The following GRM8 variants were observed in gnomAD, a reference collection of about 807,000 sequenced individuals.
GRM8 encodes metabotropic glutamate receptor 8.
Under a neutral mutation model 87.2 loss-of-function variants are expected in GRM8, and 47 were observed. The observed-to-expected ratio is 0.54, with a 90% CI of 0.43 to 0.69. The LOEUF is 0.69. Ranked by LOEUF, GRM8 falls within the 30% of genes least tolerant of loss-of-function variation. The pLI is 0.00. For missense variants in GRM8, 1,019 were observed against 1,139.2 expected (o/e 0.89, Z 1.52); for synonymous variants, 396 against 404.5 (o/e 0.98, Z 0.25).
rs1024811161 is a variant in GRM8 at position 126,463,881 on chromosome 7, G to GA, written c.2431-17510dup. 4.0e-5 allele frequency among the ~76,000 whole-genome samples: 6 copies of GA among 150,992 alleles called. No homozygotes were observed. The East Asian group carries it at 1.2e-3, about 30-fold the overall frequency. ...CTATTGCCAATCTCTGAATATCTAAGAAAAAAAATAACTACAAATTTGTCT... is the reference window on the plus strand; with the variant it reads ...CTATTGCCAATCTCTGAATATCTAAGAAAAAAAAATAACTACAAATTTGTCT... On this transcript the variant is annotated intron_variant, in intron 9 of 10. Transcript: ENST00000339582.
chr7:126,935,833 C>T (rs998460847), intron 3 of GRM8, among the ~76,000 whole-genome samples: 5 of 152,324 alleles, frequency 3.3e-5, no homozygotes, highest in South Asian at 4.1e-4. Flanking sequence ...TTGATGCCAC[C>T]TCTGTGTTTT....
chr7:126,552,245 T>C (rs1221644765), intron 8 of GRM8, among the ~76,000 whole-genome samples: 1 of 152,136 alleles, frequency 6.6e-6, no homozygotes, highest in East Asian at 1.9e-4. Flanking sequence ...TATGCTCCTA[T>C]ATTATAATGA....
chr7:127,098,162 T>C (rs1824862886), intron 3 of GRM8, among the ~76,000 whole-genome samples: 2 of 152,264 alleles, frequency 1.3e-5, no homozygotes, highest in African/African-American at 2.4e-5. Context: ...TTAATATTAA[T>C]TAAATATGAT....
intron 2 of GRM8, among the ~76,000 whole-genome samples, chr7:127,215,831 G>A (rs1796493205): frequency 6.6e-6 from 1 of 152,100 alleles, no homozygotes; most frequent in African/African-American, 2.4e-5. Context: ...TCAGGGCTTT[G>A]GAGAGGTCCT....
chr7:127,007,566 G>A (rs1439909710), intron 3 of GRM8, among the ~76,000 whole-genome samples: 1 of 152,006 alleles, frequency 6.6e-6, no homozygotes, highest in Non-Finnish European at 1.5e-5. Flanking sequence ...GACCACCATA[G>A]GGTAATGTGG....
At chr7:126,872,117 GCT>G (rs1197178681) in intron 6 of GRM8, among the ~76,000 whole-genome samples, 1 of 152,120 alleles carries the variant, frequency 6.6e-6, no homozygotes, top group African/African-American at 2.4e-5. Context: ...AGCTACTCCT[GCT>G]CTTGATCTTT....
At position 127,243,470 on chromosome 7, in the gene GRM8, G is replaced by A. The variant is rs778274400; in HGVS notation, c.-266C>T. 20 of 458,528 alleles carry A rather than the reference G, an allele frequency of 4.4e-5. No individual in the cohort carries two copies. The highest frequency in any genetic ancestry group is 6.9e-5 in the Non-Finnish European group (18 of 260,110). 28.4% of individuals were successfully genotyped at this position (458,528 alleles called of 1,614,324 possible). Reference sequence around the variant, plus strand: ...TCTGAGGTTCTGATGTTGGGATGAGGTCAACAATTCATGTCCTTGAAATCA... The same window carrying A: ...TCTGAGGTTCTGATGTTGGGATGAGATCAACAATTCATGTCCTTGAAATCA... On this transcript the variant is annotated 5_prime_UTR_variant, in exon 2 of 11. Coordinates refer to ENST00000339582, the MANE Select transcript of GRM8 (RefSeq NM_000845.3).
At chr7:126,823,917 G>A (rs1396505184) in intron 6 of GRM8, among the ~76,000 whole-genome samples, 1 of 152,078 alleles carries the variant, frequency 6.6e-6, no homozygotes, top group Admixed American at 6.5e-5. Context: ...CAAATTTGGT[G>A]GCTGGTGGAT....
chr7:127,189,110 TTCC>T (rs1463366807), intron 2 of GRM8, among the ~76,000 whole-genome samples: 2 of 152,192 alleles, frequency 1.3e-5, no homozygotes, highest in African/African-American at 4.8e-5. Context: ...AGTGTGGCAT[TTCC>T]TCCCTACCAC....
intron 6 of GRM8, among the ~76,000 whole-genome samples, chr7:126,840,057 T>C (rs1442811398): frequency 6.6e-6 from 1 of 152,178 alleles, no homozygotes; most frequent in African/African-American, 2.4e-5. Flanking sequence ...CACCACCATA[T>C]ATAATAAATC....
At chr7:126,909,989 C>A (rs1387370959) in intron 3 of GRM8, among the ~76,000 whole-genome samples, 1 of 148,564 alleles carries the variant, frequency 6.7e-6, no homozygotes, top group Admixed American at 6.7e-5. Flanking sequence ...TAAGATAAAG[C>A]AAATTTAAAG....
At chr7:127,155,145 C>T (rs1315070687) in intron 2 of GRM8, among the ~76,000 whole-genome samples, 1 of 151,984 alleles carries the variant, frequency 6.6e-6, no homozygotes, top group Non-Finnish European at 1.5e-5. Context: ...GATGATGGTT[C>T]CAGCATGTCA....
chr7:126,765,432 A>T (rs1818091867), intron 7 of GRM8, among the ~76,000 whole-genome samples: 1 of 152,124 alleles, frequency 6.6e-6, no homozygotes, highest in African/African-American at 2.4e-5. Flanking sequence ...ATACAATCAA[A>T]CAATTCAGAT....
chr7:127,221,580 C>T (rs1167127136), intron 2 of GRM8, among the ~76,000 whole-genome samples: 1 of 152,164 alleles, frequency 6.6e-6, no homozygotes, highest in African/African-American at 2.4e-5. Flanking sequence ...TCAGAGCATC[C>T]ACAGGATCAG....
intron 7 of GRM8, among the ~76,000 whole-genome samples, chr7:126,743,900 T>TAA (rs34790716): frequency 7.1e-4 from 107 of 150,468 alleles, no homozygotes; most frequent in Admixed American, 2.3e-3. Context: ...GCACTTATGG[T>TAA]AAAAAAAAAT....
In GRM8 at chr7:126,664,676, G is replaced by T. The variant is rs144352637; in HGVS notation, c.1358-55178C>A. Reference sequence around the variant, plus strand: ...ACCTCAAACTATAAGAATCCTAGAAGAAAACTTAGGAAATACAATTCTGGT... The same window carrying T: ...ACCTCAAACTATAAGAATCCTAGAATAAAACTTAGGAAATACAATTCTGGT... On this transcript the variant is annotated intron_variant, in intron 7 of 10. Coordinates refer to ENST00000339582, the MANE Select transcript of GRM8 (RefSeq NM_000845.3). 2.8e-3 allele frequency among the ~76,000 whole-genome samples: 419 copies of T among 152,034 alleles called. 3 individuals carry two copies. The highest frequency in any genetic ancestry group is 9.6e-3 in the African/African-American group (397 of 41,500).
At chr7:127,083,374 T>C (rs1017216219) in intron 3 of GRM8, among the ~76,000 whole-genome samples, 1 of 152,100 alleles carries the variant, frequency 6.6e-6, no homozygotes, top group Non-Finnish European at 1.5e-5. Flanking sequence ...CTCATCTCCA[T>C]CCTTGCAACC....
chr7:127,109,307 A>G (rs1302258132), intron 2 of GRM8, among the ~76,000 whole-genome samples: 1 of 152,098 alleles, frequency 6.6e-6, no homozygotes, highest in Non-Finnish European at 1.5e-5. Context: ...AGCACCCATT[A>G]TCAGTTCCCC....
At chr7:126,554,417 A>AAATAAT (rs34731773) in intron 8 of GRM8, among the ~76,000 whole-genome samples, 2,321 of 147,194 alleles carry the variant, frequency 0.016, 67 homozygotes, top group African/African-American at 0.052. Context: ...CAATTTCTAC[A>AAATAAT]AATAATAATA....
Sources: allele counts gnomAD v4.1 joint callset (sites outside exome capture counted in the v4.1 genomes callset), GRCh38; gene constraint gnomAD v4.1.1; transcripts MANE v1.5; gene names NCBI Gene and HGNC (gene_info 2026-07-23, HGNC 2026-07-21).